FOCAD: variants seen among roughly 807,000 people sequenced by gnomAD.
FOCAD encodes KIAA1797.
In FOCAD, 198 loss-of-function variants were observed where a neutral mutation model predicts 225.6. The ratio of observed to expected loss-of-function variants is 0.88; its 90% CI spans 0.78 to 0.99. The LOEUF (loss-of-function observed/expected upper bound fraction) is 0.99. Ranked by LOEUF, FOCAD falls within the 50% of genes least tolerant of loss-of-function variation. The probability of loss-of-function intolerance (pLI) is 0.00; values close to 1 mark genes in which losing one functional copy is unlikely to be tolerated. For synonymous variants in FOCAD, 897 were observed against 755.0 expected, an observed-to-expected ratio of 1.19 and a Z score of -3.08; for missense variants, 2,713 against 2,123.6, an observed-to-expected ratio of 1.28 and a Z score of -5.46.
In FOCAD at chr9:20,912,966, T is replaced by C. The variant is rs1018309049; in HGVS notation, c.2807+12T>C. ...ACAGCCTGGCTCTGGTAAGTGTTCA[T>C]GTTCAGCTGCCCATTATTTGTCATG... On this transcript the variant is annotated intron_variant, in intron 23 of 43. Coordinates refer to ENST00000338382, the MANE Select transcript of FOCAD (RefSeq NM_001375567.1). 3.0e-5 allele frequency: 48 copies of C among 1,604,916 alleles called. No homozygotes were observed. Among genetic ancestry groups the C allele is most frequent in the Middle Eastern group, 1.7e-4 (1 of 6,056 alleles).
At chr9:20,821,107 G>T in intron 14 of FOCAD, 36 bp downstream of exon 14, 1 of 1,577,570 alleles carries the variant, frequency 6.3e-7, no homozygotes, top group South Asian at 1.2e-5. Context: ...TGTATATCAT[G>T]ATATATTATT....
chr9:20,969,991 G>GTTTTTT (rs60438771), intron 35 of FOCAD, among the ~76,000 whole-genome samples: 5 of 146,714 alleles, frequency 3.4e-5, no homozygotes, highest in Non-Finnish European at 6.0e-5. Flanking sequence ...TTCGATGACA[G>GTTTTTT]TTTTTTTTTT....
intron 36 of FOCAD, among the ~76,000 whole-genome samples, chr9:20,977,413 C>T (rs1348480820): frequency 2.0e-5 from 3 of 152,174 alleles, no homozygotes. Flanking sequence ...GAGAGGCAAA[C>T]AGAATACACA....
At chr9:20,699,399 A>G (rs1202025761) in intron 1 of FOCAD, among the ~76,000 whole-genome samples, 2 of 151,972 alleles carry the variant, frequency 1.3e-5, no homozygotes, top group Admixed American at 6.6e-5. Flanking sequence ...TTAGGCCTGT[A>G]TGTATGAAAA....
intron 2 of FOCAD, among the ~76,000 whole-genome samples, chr9:20,668,395 G>C (rs188130608): frequency 3.3e-5 from 5 of 152,142 alleles, no homozygotes; most frequent in African/African-American, 1.2e-4. Flanking sequence ...ATTAATATAA[G>C]CAAGTTGCTT....
At position 20,733,323 on chromosome 9, in the gene FOCAD, C is replaced by T. The variant is rs145605808; in HGVS notation, c.288-6913C>T. ...TTGTTTATTTCAATTTCTCCTCATA[C>T]TGTCTATCCAGGAGATCACGTTTAA... On this transcript the variant is annotated intron_variant, in intron 4 of 43. Transcript: ENST00000338382. Among the ~76,000 whole-genome samples, 570 of 152,276 alleles carry T rather than the reference C, an allele frequency of 3.7e-3. 6 individuals are homozygous for T. Among genetic ancestry groups the T allele is most frequent in the African/African-American group, 0.013 (551 of 41,558 alleles).
chr9:20,717,972 A>C, intron 3 of FOCAD, 104 bp downstream of exon 3: 1 of 850,606 alleles, frequency 1.2e-6, no homozygotes, highest in Non-Finnish European at 1.8e-6. Flanking sequence ...ATCACAGTAG[A>C]AATGCTTTTG....
At chr9:20,741,670 A>G (rs1045349730) in intron 5 of FOCAD, among the ~76,000 whole-genome samples, 4 of 132,784 alleles carry the variant, frequency 3.0e-5, no homozygotes, top group Non-Finnish European at 6.2e-5. Flanking sequence ...CAAATCGGTA[A>G]ATATGCTTTT....
At chr9:20,692,039 G>A (rs1408413585) in intron 1 of FOCAD, among the ~76,000 whole-genome samples, 1 of 152,072 alleles carries the variant, frequency 6.6e-6, no homozygotes, top group African/African-American at 2.4e-5. Flanking sequence ...TGTGAGCCAC[G>A]GCACCTGGCC....
intron 11 of FOCAD, 149 bp downstream of exon 11, chr9:20,789,757 T>G: frequency 1.1e-6 from 1 of 926,092 alleles, no homozygotes; most frequent in Non-Finnish European, 1.6e-6. Flanking sequence ...TCCTTCCATT[T>G]TTTTCTTCTT....
At chr9:20,724,107 T>A (rs1177305472) in intron 4 of FOCAD, among the ~76,000 whole-genome samples, 1 of 152,162 alleles carries the variant, frequency 6.6e-6, no homozygotes, top group African/African-American at 2.4e-5. Flanking sequence ...CCGTAATTCA[T>A]TCACCCCCTA....
chr9:20,841,449 G>A (rs1038860111), intron 15 of FOCAD, among the ~76,000 whole-genome samples: 8 of 151,228 alleles, frequency 5.3e-5, no homozygotes, highest in African/African-American at 1.2e-4. Context: ...TACTTTTTAT[G>A]GGTCCATTCA....
chr9:20,916,192 T>C (rs1012110154), intron 23 of FOCAD, among the ~76,000 whole-genome samples: 7 of 152,196 alleles, frequency 4.6e-5, no homozygotes, highest in Admixed American at 4.6e-4. Context: ...AATGTTTATA[T>C]TGAAAATGAT....
chr9:20,716,885 T>C lies in FOCAD; in HGVS notation c.58-909T>C, dbSNP rs568290421. On this transcript the variant is annotated intron_variant, in intron 2 of 43. Transcript: ENST00000338382. Reference sequence around the variant, plus strand: ...ACTATAAAACCAAAATTCCGACTTATAAGAAGCACTGTATATCATAGACTA... The same window carrying C: ...ACTATAAAACCAAAATTCCGACTTACAAGAAGCACTGTATATCATAGACTA... Among the ~76,000 whole-genome samples the C allele has an allele frequency of 3.5e-4, 53 of 152,318 alleles. 1 individual carries two copies. The South Asian group carries it at 9.1e-3, about 26-fold the overall frequency.
intron 9 of FOCAD, among the ~76,000 whole-genome samples, chr9:20,780,033 G>T (rs949698753): frequency 6.6e-6 from 1 of 152,104 alleles, no homozygotes; most frequent in Admixed American, 6.5e-5. Context: ...TAATTTACCC[G>T]TGCTGGTACT....
intron 15 of FOCAD, among the ~76,000 whole-genome samples, chr9:20,848,803 G>T (rs1477517196): frequency 1.3e-5 from 2 of 151,844 alleles, no homozygotes; most frequent in Non-Finnish European, 2.9e-5. Context: ...CTAATTGAAT[G>T]AAGACATGGC....
chr9:20,987,988 A>G (rs1298188742), intron 40 of FOCAD, among the ~76,000 whole-genome samples: 2 of 152,242 alleles, frequency 1.3e-5, no homozygotes, highest in Non-Finnish European at 2.9e-5. Context: ...AATAATTGTC[A>G]ACAATTCAAC....
intron 11 of FOCAD, 46 bp downstream of exon 11, chr9:20,789,654 C>T: frequency 6.3e-7 from 1 of 1,597,350 alleles, no homozygotes; most frequent in Non-Finnish European, 8.6e-7. Context: ...AAAGCTTAAT[C>T]ATTGGAAATG....
intron 20 of FOCAD, among the ~76,000 whole-genome samples, chr9:20,882,505 A>C (rs1830761612): frequency 6.6e-6 from 1 of 152,218 alleles, no homozygotes; most frequent in African/African-American, 2.4e-5. Context: ...ATGCTTAGGA[A>C]ACAAAGACGA....
Sources: gnomAD v4.1 joint callset for allele counts (sites outside exome capture counted in the v4.1 genomes callset) on GRCh38, gnomAD v4.1.1 for gene constraint, MANE v1.5 for transcripts, NCBI Gene and HGNC (gene_info 2026-07-23, HGNC 2026-07-21) for gene names.